FABP12: variants seen among roughly 807,000 people sequenced by gnomAD.
The protein encoded by FABP12 is fatty acid-binding protein 12.
Under a neutral mutation model 13.7 loss-of-function variants are expected in FABP12, and 19 were observed. The ratio of observed to expected loss-of-function variants is 1.39; its 90% CI spans 0.97 to 2.04. The LOEUF is 2.04. Among genes scored for constraint, FABP12 ranks in the 30% most tolerant of loss-of-function variants. The probability of loss-of-function intolerance (pLI) is 0.00; values close to 1 mark genes in which losing one functional copy is unlikely to be tolerated. For synonymous variants in FABP12, 61 were observed against 57.0 expected, an observed-to-expected ratio of 1.07 and a Z score of -0.32; for missense variants, 182 against 164.2, an observed-to-expected ratio of 1.11 and a Z score of -0.59.
At chr8:81,558,879 G>A (rs1179106359) in intron 1 of FABP12, among the ~76,000 whole-genome samples, 1 of 127,650 alleles carries the variant, frequency 7.8e-6, no homozygotes, top group South Asian at 2.5e-4. Flanking sequence ...GACAAAGTAA[G>A]GCTCCATCAA....
At chr8:81,559,954 A>T (rs1006050697) in intron 1 of FABP12, among the ~76,000 whole-genome samples, 3 of 152,244 alleles carry the variant, frequency 2.0e-5, no homozygotes, top group African/African-American at 7.2e-5. Context: ...ATGTTCAGAT[A>T]TCATTATATG....
intron 1 of FABP12, among the ~76,000 whole-genome samples, chr8:81,546,690 A>G (rs1250964124): frequency 6.6e-6 from 1 of 152,208 alleles, no homozygotes; most frequent in African/African-American, 2.4e-5. Flanking sequence ...TAAAAATTTC[A>G]AAATATAATT....
chr8:81,580,571 A>T (rs1424772439), intron 1 of FABP12, among the ~76,000 whole-genome samples: 1 of 152,128 alleles, frequency 6.6e-6, no homozygotes, highest in African/African-American at 2.4e-5. Flanking sequence ...AAAAAAAAAT[A>T]AAGGAAGAAC....
chr8:81,531,084 T>C (rs572280648), intron 2 of FABP12, among the ~76,000 whole-genome samples, 159 bp downstream of exon 2: 1 of 152,346 alleles, frequency 6.6e-6, no homozygotes, highest in South Asian at 2.1e-4. Flanking sequence ...TCCAACATAG[T>C]TTTGCACAGA....
At chr8:81,555,432 A>G (rs922161721) in intron 1 of FABP12, among the ~76,000 whole-genome samples, 1 of 152,262 alleles carries the variant, frequency 6.6e-6, no homozygotes, top group Non-Finnish European at 1.5e-5. Context: ...ATACCAGACA[A>G]ATGGTTCCAA....
At chr8:81,586,662 T>C (rs1389497731) in intron 1 of FABP12, among the ~76,000 whole-genome samples, 1 of 152,210 alleles carries the variant, frequency 6.6e-6, no homozygotes, top group Non-Finnish European at 1.5e-5. Flanking sequence ...TGTCTGTTCA[T>C]GTCCTTTGCC....
chr8:81,561,563 G>A (rs529859270), intron 1 of FABP12, among the ~76,000 whole-genome samples: 1 of 152,308 alleles, frequency 6.6e-6, no homozygotes, highest in South Asian at 2.1e-4. Context: ...ATATCACTGA[G>A]AGAGGCACTG....
rs115943271 is a variant in FABP12 at position 81,585,983 on chromosome 8, C to A, written c.-185+4070G>T. ...ATTCAATAGGTAGTTTTTCATTTCT[C>A]ATCCTCCTCCCACCCTCCACCCTCA... On this transcript the variant is annotated intron_variant, in intron 1 of 5. Transcript: ENST00000692030. Among the ~76,000 whole-genome samples the A allele has an allele frequency of 2.0e-3, 310 of 152,248 alleles. 1 individual carries two copies. Among genetic ancestry groups the A allele is most frequent in the African/African-American group, 6.9e-3 (287 of 41,562 alleles).
intron 1 of FABP12, among the ~76,000 whole-genome samples, chr8:81,580,950 T>G (rs1810147117): frequency 6.6e-6 from 1 of 152,220 alleles, no homozygotes; most frequent in Non-Finnish European, 1.5e-5. Flanking sequence ...TTCCTGCTTC[T>G]CTAACATTTT....
At position 81,585,666 on chromosome 8, in the gene FABP12, G is replaced by A. The variant is rs977470624; in HGVS notation, c.-185+4387C>T. Reference sequence around the variant, plus strand: ...TTTTGATGAATCTGTAAATTGCTTTGGGTATTATCATTTTCACAATATTCT... The same window carrying A: ...TTTTGATGAATCTGTAAATTGCTTTAGGTATTATCATTTTCACAATATTCT... On this transcript the variant is annotated intron_variant, in intron 1 of 5. Coordinates refer to the FABP12 transcript ENST00000692030. Among the ~76,000 whole-genome samples, 8 of 152,100 alleles carry A rather than the reference G, an allele frequency of 5.3e-5. No individual in the cohort carries two copies. In the South Asian group the frequency reaches 1.7e-3, roughly 32 times the overall value.
At chr8:81,558,437 T>C (rs145160236) in intron 1 of FABP12, among the ~76,000 whole-genome samples, 158 of 152,248 alleles carry the variant, frequency 1.0e-3, no homozygotes, top group African/African-American at 3.8e-3. Context: ...CCCTCCTCCA[T>C]CTTTCCTGCA....
chr8:81,531,711 T>C (rs933516920), intron 1 of FABP12, among the ~76,000 whole-genome samples: 1 of 152,098 alleles, frequency 6.6e-6, no homozygotes, highest in Non-Finnish European at 1.5e-5. Flanking sequence ...TCTCTCTCTC[T>C]GTCTGTCCAA....
chr8:81,568,919 A>G (rs1410135839), intron 1 of FABP12, among the ~76,000 whole-genome samples: 1 of 152,100 alleles, frequency 6.6e-6, no homozygotes, highest in Non-Finnish European at 1.5e-5. Context: ...AAGCAACTTA[A>G]CTCATGGAGA....
chr8:81,555,248 G>C (rs1412786225), intron 1 of FABP12, among the ~76,000 whole-genome samples: 1 of 152,188 alleles, frequency 6.6e-6, no homozygotes, highest in Non-Finnish European at 1.5e-5. Context: ...TTCTGTGCCA[G>C]ACATTGTTCT....
chr8:81,571,622 C>T (rs1164778676), intron 1 of FABP12, among the ~76,000 whole-genome samples: 1 of 152,218 alleles, frequency 6.6e-6, no homozygotes, highest in Non-Finnish European at 1.5e-5. Flanking sequence ...TTCATGGAGA[C>T]TAAGTCACAT....
Position 81,527,662 on chromosome 8 carries a change from A to G in FABP12, c.247-541T>C, listed in dbSNP as rs552962329. Among the ~76,000 whole-genome samples, 109 of 152,210 alleles carry G rather than the reference A, an allele frequency of 7.2e-4. 1 individual carries two copies. The highest frequency in any genetic ancestry group is 2.5e-3 in the African/African-American group (104 of 41,542). ...CAGGCATGAGCCACCACACCCGGCCATGAAATGTTCTTTTTATCTTTGACT... is the reference window on the plus strand; with the variant it reads ...CAGGCATGAGCCACCACACCCGGCCGTGAAATGTTCTTTTTATCTTTGACT... On this transcript the variant is annotated intron_variant, in intron 3 of 4. Transcript: ENST00000360464.
chr8:81,552,968 G>C (rs898222086), intron 1 of FABP12, among the ~76,000 whole-genome samples: 3 of 152,188 alleles, frequency 2.0e-5, no homozygotes, highest in Non-Finnish European at 4.4e-5. Context: ...ATGGAAATGT[G>C]AAGTAGGGAG....
At chr8:81,580,559 CA>C (rs35431061) in intron 1 of FABP12, among the ~76,000 whole-genome samples, 144,028 of 151,710 alleles carry the variant, frequency 0.95, 68,416 homozygotes, top group East Asian at 0.99. Flanking sequence ...AGACTTATCA[CA>C]AAAAAAAAAT....
At position 81,579,918 on chromosome 8, in the gene FABP12, G is replaced by T. The variant is rs140769972; in HGVS notation, c.-185+10135C>A. On this transcript the variant is annotated intron_variant, in intron 1 of 5. Coordinates refer to the FABP12 transcript ENST00000692030. Reference sequence around the variant, plus strand: ...ACCTAATGAAAAAAAAGTAACAGTGGGTTCTTATGAGCTATTTTTACAAAG... The same window carrying T: ...ACCTAATGAAAAAAAAGTAACAGTGTGTTCTTATGAGCTATTTTTACAAAG... Among the ~76,000 whole-genome samples, 229 of 152,012 alleles carry T rather than the reference G, an allele frequency of 1.5e-3. 2 individuals carry two copies. The highest frequency in any genetic ancestry group is 5.3e-3 in the African/African-American group (221 of 41,472).
Sources: allele counts gnomAD v4.1 joint callset (sites outside exome capture counted in the v4.1 genomes callset), GRCh38; gene constraint gnomAD v4.1.1; transcripts MANE v1.5; gene names NCBI Gene and HGNC (gene_info 2026-07-23, HGNC 2026-07-21).